Variants in ROPN1L observed in about 807,000 individuals in gnomAD.
The protein encoded by ROPN1L is rhophilin associated tail protein 1 like.
In ROPN1L, 23 loss-of-function variants were observed where a neutral mutation model predicts 22.7. That is an observed-to-expected ratio of 1.01 (90% CI 0.73 to 1.43). The LOEUF is 1.43. ROPN1L is among the 40% of genes most tolerant of loss of function. The pLI, the probability that ROPN1L is intolerant of heterozygous loss-of-function variation, is 0.00. For missense variants in ROPN1L, 271 were observed against 291.5 expected, an observed-to-expected ratio of 0.93 and a Z score of 0.51; for synonymous variants, 116 against 117.8, an observed-to-expected ratio of 0.98 and a Z score of 0.10.
chr5:10,455,185 C>T (rs959981240), intron 3 of ROPN1L, among the ~76,000 whole-genome samples: 1 of 152,190 alleles, frequency 6.6e-6, no homozygotes, highest in African/African-American at 2.4e-5. Flanking sequence ...TATGGTGGTT[C>T]CCTGTTGGTC....
At position 10,449,989 on chromosome 5, in the gene ROPN1L, A is replaced by G; in HGVS notation, c.293A>G (p.Glu98Gly). The stretch of plus-strand genomic sequence containing the variant: ...CGGTATGTGGAATTAACAGATCTTG[A>G]GCAGAAGTGGAAGAACTTGTGCCTG... ...HKRYVELTDL[E>G]QKWKNLCLPK... The change falls in exon 3 of 5, where the codon GAG becomes GGG. Residue 98 changes from glutamate (E) to glycine (G), a missense_variant. Glu to Gly is a moderately conservative substitution (Grantham distance 98, BLOSUM62 -2). Coordinates refer to ENST00000274134, the MANE Select transcript of ROPN1L (RefSeq NM_031916.5). 1.2e-6 allele frequency: 2 copies of G among 1,613,970 alleles called. No homozygotes were observed. The highest frequency in any genetic ancestry group is 1.7e-6 in the Non-Finnish European group (2 of 1,179,908).
chr5:10,472,629 C>T (rs1291741316), downstream of ROPN1L, among the ~76,000 whole-genome samples: 1 of 152,168 alleles, frequency 6.6e-6, no homozygotes, highest in Non-Finnish European at 1.5e-5. Flanking sequence ...TTTCATCCCC[C>T]AAACAGCAAT....
At chr5:10,471,437 C>G (rs1285489258) in intron 4 of ROPN1L, among the ~76,000 whole-genome samples, 1 of 152,116 alleles carries the variant, frequency 6.6e-6, no homozygotes, top group Non-Finnish European at 1.5e-5. Context: ...CGTGAGCCAC[C>G]ATGTCTGATC....
chr5:10,479,578 A>G, the ROPN1L span, among the ~76,000 whole-genome samples: 2 of 152,110 alleles, frequency 1.3e-5, no homozygotes, highest in Non-Finnish European at 2.9e-5. Flanking sequence ...CCCGAGGGAG[A>G]GCACAGGACG....
At chr5:10,451,750 C>G (rs984027043) in intron 3 of ROPN1L, among the ~76,000 whole-genome samples, 3 of 152,200 alleles carry the variant, frequency 2.0e-5, no homozygotes, top group African/African-American at 4.8e-5. Flanking sequence ...TTCCTGTCAG[C>G]CCCGGGCTAA....
At chr5:10,481,059 T>G in the ROPN1L span, among the ~76,000 whole-genome samples, 1 of 152,084 alleles carries the variant, frequency 6.6e-6, no homozygotes, top group Non-Finnish European at 1.5e-5. Flanking sequence ...CTATGAAGGG[T>G]CTGAGATTTT....
intron 3 of ROPN1L, among the ~76,000 whole-genome samples, chr5:10,453,266 C>T (rs1425856813): frequency 2.0e-5 from 3 of 152,126 alleles, no homozygotes; most frequent in African/African-American, 4.8e-5. Flanking sequence ...GGGATGCCTG[C>T]TCTGCCCTGG....
At chr5:10,474,176 A>T (rs202137987), downstream of ROPN1L, among the ~76,000 whole-genome samples, 1 of 148,622 alleles carries the variant, frequency 6.7e-6, no homozygotes, top group Admixed American at 6.8e-5. Flanking sequence ...AAAAAAAAAA[A>T]GGAAAATTTT....
Position 10,459,337 on chromosome 5 carries a change from T to C in ROPN1L, c.418-1847T>C, listed in dbSNP as rs534171713. On this transcript the variant is annotated intron_variant, in intron 3 of 4. Coordinates refer to ENST00000274134, the MANE Select transcript of ROPN1L (RefSeq NM_031916.5). The stretch of plus-strand genomic sequence containing the variant: ...GGTTCCCGCCTTCCACCCTCATCAC[T>C]GGGTTCCTGCCTTCCACCCTCATCA... 3.0e-4 allele frequency among the ~76,000 whole-genome samples: 45 copies of C among 149,774 alleles called. 1 individual carries two copies. The highest frequency in any genetic ancestry group is 7.0e-4 in the African/African-American group (28 of 39,906).
the ROPN1L span, among the ~76,000 whole-genome samples, chr5:10,482,771 T>C: frequency 1.3e-5 from 2 of 152,234 alleles, no homozygotes; most frequent in Non-Finnish European, 2.9e-5. Flanking sequence ...TCTTTGCAGT[T>C]GCAATCAGTG....
intron 4 of ROPN1L, 98 bp from the exon 5 acceptor site, chr5:10,464,750 A>C (rs1375630123): frequency 1.4e-6 from 1 of 693,250 alleles, no homozygotes; most frequent in East Asian, 2.8e-5. Flanking sequence ...AATAGTTTTT[A>C]AAAGTAGACC....
chr5:10,458,935 A>G (rs1036320873), intron 3 of ROPN1L, among the ~76,000 whole-genome samples: 13 of 82,442 alleles, frequency 1.6e-4, no homozygotes, highest in African/African-American at 6.0e-4. Flanking sequence ...CACCGTGTAC[A>G]CCATCCCGCC....
At chr5:10,480,649 C>T in the ROPN1L span, among the ~76,000 whole-genome samples, 3 of 151,816 alleles carry the variant, frequency 2.0e-5, no homozygotes, top group African/African-American at 7.3e-5. Context: ...GTGAGTGGCT[C>T]CTCCGAGTGT....
At chr5:10,446,429 C>A (rs192875452) in intron 1 of ROPN1L, among the ~76,000 whole-genome samples, 224 of 152,190 alleles carry the variant, frequency 1.5e-3, no homozygotes, top group African/African-American at 5.2e-3. Flanking sequence ...GAGGCTGAGG[C>A]GGGTTGATTG....
At chr5:10,442,410 G>A in intron 1 of ROPN1L, 112 bp downstream of exon 1, 1 of 1,377,572 alleles carries the variant, frequency 7.3e-7, no homozygotes, top group Non-Finnish European at 9.8e-7. Context: ...GTCCTTAAGA[G>A]TATCAGGCAA....
intron 1 of ROPN1L, among the ~76,000 whole-genome samples, chr5:10,446,779 T>G (rs913424041): frequency 1.5e-4 from 23 of 152,176 alleles, no homozygotes; most frequent in Admixed American, 1.4e-3. Flanking sequence ...CCAGAGGCTG[T>G]ATCTAGCTCG....
At chr5:10,455,942 G>A (rs1448972008) in intron 3 of ROPN1L, among the ~76,000 whole-genome samples, 1 of 151,032 alleles carries the variant, frequency 6.6e-6, no homozygotes, top group African/African-American at 2.4e-5. Flanking sequence ...GACCTCCTTT[G>A]TTCTGATTCT....
chr5:10,478,733 C>G, the ROPN1L span, among the ~76,000 whole-genome samples: 1 of 152,152 alleles, frequency 6.6e-6, no homozygotes, highest in Admixed American at 6.5e-5. Flanking sequence ...TTCTGAGGTT[C>G]TGGGTGGACA....
At chr5:10,478,729 G>A in the ROPN1L span, among the ~76,000 whole-genome samples, 2 of 152,140 alleles carry the variant, frequency 1.3e-5, no homozygotes, top group Non-Finnish European at 2.9e-5. Flanking sequence ...CACATTCTGA[G>A]GTTCTGGGTG....
Sources: gnomAD v4.1 joint callset for allele counts (sites outside exome capture counted in the v4.1 genomes callset) on GRCh38, gnomAD v4.1.1 for gene constraint, MANE v1.5 for transcripts, NCBI Gene and HGNC (gene_info 2026-07-23, HGNC 2026-07-21) for gene names.